Variants in PDCD11 observed in about 807,000 individuals in gnomAD.
PDCD11 encodes protein RRP5 homolog.
A neutral mutation model predicts 198.9 loss-of-function variants in PDCD11; 97 were observed. That is an observed-to-expected ratio of 0.49 (90% CI 0.41 to 0.58). The LOEUF (loss-of-function observed/expected upper bound fraction) is 0.58. Among genes scored for constraint, PDCD11 ranks in the 20% least tolerant of loss-of-function variants. The pLI is 0.00. For missense variants in PDCD11, 2,102 were observed against 2,312.7 expected, an observed-to-expected ratio of 0.91 and a Z score of 1.87; for synonymous variants, 893 against 918.0, an observed-to-expected ratio of 0.97 and a Z score of 0.49.
intron 20 of PDCD11, among the ~76,000 whole-genome samples, chr10:103,426,944 T>TA (rs2031723323): frequency 6.9e-6 from 1 of 145,214 alleles, no homozygotes; most frequent in Non-Finnish European, 1.5e-5. Flanking sequence ...AAAAAATAAA[T>TA]AAATAAAAAT....
At chr10:103,407,265 A>G (rs2030512914) in intron 7 of PDCD11, among the ~76,000 whole-genome samples, 1 of 152,156 alleles carries the variant, frequency 6.6e-6, no homozygotes, top group Admixed American at 6.5e-5. Flanking sequence ...ATCAAGGTAG[A>G]AAAGATTTTG....
intron 19 of PDCD11, among the ~76,000 whole-genome samples, chr10:103,423,859 C>T (rs886276335): frequency 6.6e-6 from 1 of 152,186 alleles, no homozygotes; most frequent in African/African-American, 2.4e-5. Flanking sequence ...TGATAAGTTA[C>T]ATGGGCACTC....
At chr10:103,436,059 G>A (rs1300756450) in intron 25 of PDCD11, among the ~76,000 whole-genome samples, 1 of 145,146 alleles carries the variant, frequency 6.9e-6, no homozygotes, top group East Asian at 2.0e-4. Flanking sequence ...ATAGAGTCTC[G>A]CTCTGTTGCC....
intron 2 of PDCD11, among the ~76,000 whole-genome samples, 172 bp from the exon 3 acceptor site, chr10:103,400,225 C>G (rs534204652): frequency 2.0e-4 from 29 of 142,080 alleles, no homozygotes; most frequent in East Asian, 6.0e-4. Flanking sequence ...CGGCCCCCCC[C>G]CTTTTTTTTT....
At chr10:103,412,479 C>G (rs548277726) in intron 8 of PDCD11, among the ~76,000 whole-genome samples, 3 of 152,270 alleles carry the variant, frequency 2.0e-5, no homozygotes, top group South Asian at 4.1e-4. Flanking sequence ...TGCCACCACA[C>G]CCAGCTAATT....
At chr10:103,439,929 C>T (rs2032308908) in intron 28 of PDCD11, 61 bp downstream of exon 28, 2 of 1,592,924 alleles carry the variant, frequency 1.3e-6, no homozygotes, top group African/African-American at 1.3e-5. Flanking sequence ...TCTCCAGGAG[C>T]CCTGGGAGGA....
In PDCD11 at chr10:103,403,123, G is replaced by T; in HGVS notation, c.240G>T (p.Leu80=). 1 of 1,613,820 alleles carries T rather than the reference G, an allele frequency of 6.2e-7. No individual in the cohort carries two copies. The highest frequency in any genetic ancestry group is 1.1e-5 in the South Asian group (1 of 91,072). The change falls in exon 4 of 36, where the codon CTG becomes CTT. Residue 80 remains leucine, a synonymous_variant. Coordinates refer to ENST00000369797, the MANE Select transcript of PDCD11 (RefSeq NM_014976.2). ...EKFEILSVES[L]CEGMRILGCV... ...TTTCACTTTTTCTCTTCTAGTCCCT[G>T]TGTGAGGGAATGCGTATTTTGGGTT...
In PDCD11 at chr10:103,445,547, T is replaced by C; in HGVS notation, c.5614T>C (p.Ter1872GlnextTer49). ...GGCCAAGAGCTCAGTGCTAGAGGAC[T>C]AGTGGCAGGCTGGCTCTGTGGGACA... ...VEAKSSVLED* is the reference protein window; with the variant it reads ...VEAKSSVLEDQ Residue 1872 changes from the stop codon to glutamine, a stop_lost, in exon 36 of 36, where the codon TAG (stop) becomes CAG (glutamine). Transcript: ENST00000369797. The C allele has an allele frequency of 1.9e-6, 3 of 1,612,854 alleles. No individual in the cohort carries two copies. In the South Asian group the frequency reaches 3.3e-5, roughly 18 times the overall value.
chr10:103,432,327 C>T (rs774803688), intron 22 of PDCD11, 93 bp downstream of exon 22: 2 of 874,678 alleles, frequency 2.3e-6, no homozygotes, highest in South Asian at 2.8e-5. Context: ...CAGAGAAAGG[C>T]ATTTGAGTCT....
At position 103,421,509 on chromosome 10, in the gene PDCD11, C is replaced by G. The variant is rs1198874943; in HGVS notation, c.2439C>G (p.Leu813=). The G allele has an allele frequency of 6.3e-7, 1 of 1,587,816 alleles. No individual in the cohort carries two copies. Among genetic ancestry groups the G allele is most frequent in the Non-Finnish European group, 8.6e-7 (1 of 1,166,608 alleles). ...GGGACTTGGCTATCACCAGCCTCCT[C>G]CTCCTGAATCAGTGCCTGGAGGAGC... is the stretch of plus-strand genomic sequence containing the variant. ...GLGDLAITSL[L]LLNQCLEELQ... is the part of the protein sequence containing the mutation. The change falls in exon 17 of 36, where the codon CTC becomes CTG. Residue 813 remains leucine (L), a synonymous_variant. Transcript: ENST00000369797.
chr10:103,398,352 T>C, intron 1 of PDCD11, 64 bp from the exon 2 acceptor site: 3 of 993,056 alleles, frequency 3.0e-6, no homozygotes, highest in Non-Finnish European at 4.9e-6. Flanking sequence ...TGCCCGTTGA[T>C]AACACCTTTC....
At chr10:103,397,312 C>G (rs2093441811) in intron 1 of PDCD11, among the ~76,000 whole-genome samples, 1 of 150,970 alleles carries the variant, frequency 6.6e-6, no homozygotes, top group Non-Finnish European at 1.5e-5. Context: ...CTCTTCATGT[C>G]CAATCTATAG....
intron 21 of PDCD11, among the ~76,000 whole-genome samples, chr10:103,430,315 A>G (rs944321435): frequency 6.6e-6 from 1 of 152,196 alleles, no homozygotes; most frequent in Non-Finnish European, 1.5e-5. Flanking sequence ...TCAAGGCTGA[A>G]TAATATTCCA....
At position 103,434,798 on chromosome 10, in the gene PDCD11, G is replaced by A. The variant is rs780914624; in HGVS notation, c.3668G>A (p.Gly1223Asp). ...SKTLLCLSLT[G>D]PHKLEEGEVA... ...TGAATCAGGTTGGTTCTTCCACCAG[G>A]TCCTCACAAGCTTGAGGAAGGGGAA... is the stretch of plus-strand genomic sequence containing the variant. The change falls in exon 25 of 36, where the codon GGT becomes GAT. Residue 1223 changes from glycine (G) to aspartate (D), a missense_variant and splice_region_variant. Physicochemically the swap from Gly to Asp is moderately conservative, Grantham distance 94. Coordinates refer to ENST00000369797, the MANE Select transcript of PDCD11 (RefSeq NM_014976.2). 1 of 1,605,080 alleles carries A rather than the reference G, an allele frequency of 6.2e-7. No homozygotes were observed. Among genetic ancestry groups the A allele is most frequent in the Non-Finnish European group, 8.5e-7 (1 of 1,175,812 alleles).
intron 12 of PDCD11, among the ~76,000 whole-genome samples, chr10:103,416,264 G>T (rs1301575613): frequency 6.6e-6 from 1 of 152,152 alleles, no homozygotes; most frequent in Non-Finnish European, 1.5e-5. Flanking sequence ...GTCAGGAGAG[G>T]GTAGTTTGCA....
At chr10:103,401,519 T>C (rs1256591025) in intron 3 of PDCD11, among the ~76,000 whole-genome samples, 1 of 152,214 alleles carries the variant, frequency 6.6e-6, no homozygotes, top group Non-Finnish European at 1.5e-5. Context: ...TCTGCCTGCC[T>C]TGGCCTCCCA....
chr10:103,419,540 T>C lies in PDCD11; in HGVS notation c.2109T>C (p.Leu703=), dbSNP rs150856565. The change falls in exon 16 of 36, where the codon CTT becomes CTC. Residue 703 remains leucine, a splice_region_variant and synonymous_variant. Transcript: ENST00000369797. ...ATTCCTTGATGAAGTACCACTAGCT[T>C]CTTTGCAGGAAGCCAGCCTTGGTCT... ...LCLSQSEGRV[L]LCRKPALVST... 4.1e-4 allele frequency: 656 copies of C among 1,613,218 alleles called. 3 individuals carry two copies. The African/African-American group carries it at 5.8e-3, about 14-fold the overall frequency.
chr10:103,406,976 A>T (rs1191481820), intron 7 of PDCD11, among the ~76,000 whole-genome samples, 186 bp downstream of exon 7: 1 of 152,220 alleles, frequency 6.6e-6, no homozygotes, highest in Non-Finnish European at 1.5e-5. Flanking sequence ...AGGTTAAAAA[A>T]CTATACTAAA....
chr10:103,444,396 C>T (rs1592145001), intron 34 of PDCD11, 121 bp from the exon 35 acceptor site: 1 of 999,132 alleles, frequency 1.0e-6, no homozygotes, highest in Admixed American at 2.0e-5. Flanking sequence ...TCCCTCTTGT[C>T]ACAACCTGAG....
Sources: gnomAD v4.1 joint callset for allele counts (sites outside exome capture counted in the v4.1 genomes callset) on GRCh38, gnomAD v4.1.1 for gene constraint, MANE v1.5 for transcripts, NCBI Gene and HGNC (gene_info 2026-07-23, HGNC 2026-07-21) for gene names.